CDH13: variants seen among roughly 807,000 people sequenced by gnomAD.
The protein encoded by CDH13 is cadherin-13.
In CDH13, 24 loss-of-function variants were observed where a neutral mutation model predicts 63.8. The ratio of observed to expected loss-of-function variants is 0.38; its 90% CI spans 0.27 to 0.53. The LOEUF is 0.53. Among genes scored for constraint, CDH13 ranks in the 20% least tolerant of loss-of-function variants. CDH13 has a pLI of 0.85. For synonymous variants in CDH13, 503 were observed against 355.3 expected, an observed-to-expected ratio of 1.42 and a Z score of -4.67; for missense variants, 1,049 against 903.1, an observed-to-expected ratio of 1.16 and a Z score of -2.07.
chr16:83,071,435 T>A (rs975997390), intron 3 of CDH13, among the ~76,000 whole-genome samples: 1 of 152,152 alleles, frequency 6.6e-6, no homozygotes, highest in African/African-American at 2.4e-5. Context: ...CTGACTACCA[T>A]GTAGCTCTTC....
chr16:82,705,783 C>T (rs533815651), intron 1 of CDH13, among the ~76,000 whole-genome samples: 18 of 152,284 alleles, frequency 1.2e-4, no homozygotes, highest in Admixed American at 9.8e-4. Context: ...AGAAGATAGA[C>T]TTGATTGTGC....
chr16:83,281,263 G>C (rs1597656054), intron 5 of CDH13, among the ~76,000 whole-genome samples: 1 of 152,280 alleles, frequency 6.6e-6, no homozygotes, highest in East Asian at 1.9e-4. Context: ...CTATGTTATA[G>C]GGATGGCTTC....
At chr16:83,302,670 C>T (rs1209027696) in intron 5 of CDH13, among the ~76,000 whole-genome samples, 1 of 152,058 alleles carries the variant, frequency 6.6e-6, no homozygotes, top group African/African-American at 2.4e-5. Context: ...TTAAGGAGCT[C>T]ATAGTCTAAG....
chr16:83,359,827 C>T (rs2091128326), intron 6 of CDH13, among the ~76,000 whole-genome samples: 1 of 152,136 alleles, frequency 6.6e-6, no homozygotes, highest in African/African-American at 2.4e-5. Context: ...TTCATCCATA[C>T]AAAATTTGTC....
At chr16:82,809,290 C>G (rs2151176662) in intron 1 of CDH13, among the ~76,000 whole-genome samples, 1 of 139,980 alleles carries the variant, frequency 7.1e-6, no homozygotes, top group South Asian at 2.5e-4. Context: ...GTGAGTTTGA[C>G]CACCTCTCAA....
intron 1 of CDH13, among the ~76,000 whole-genome samples, chr16:82,682,966 C>G (rs930829830): frequency 6.6e-6 from 1 of 152,164 alleles, no homozygotes; most frequent in Non-Finnish European, 1.5e-5. Context: ...CACACTATCT[C>G]CAGGAAGCAG....
intron 2 of CDH13, among the ~76,000 whole-genome samples, chr16:82,958,367 G>C (rs1162636672): frequency 6.6e-6 from 1 of 152,332 alleles, no homozygotes; most frequent in African/African-American, 2.4e-5. Context: ...AGCAGAGGCA[G>C]TAGGGGTAAA....
intron 2 of CDH13, among the ~76,000 whole-genome samples, chr16:82,937,215 A>G (rs1318949986): frequency 3.9e-5 from 6 of 152,152 alleles, no homozygotes; most frequent in African/African-American, 1.4e-4. Flanking sequence ...CAGCTATAGT[A>G]CAAGCCGTGA....
chr16:83,770,120 G>A (rs1003193169), intron 11 of CDH13, among the ~76,000 whole-genome samples: 1 of 152,144 alleles, frequency 6.6e-6, no homozygotes, highest in Non-Finnish European at 1.5e-5. Context: ...TCAAAGCAAT[G>A]CCAGGAGAAC....
intron 5 of CDH13, among the ~76,000 whole-genome samples, chr16:83,296,741 T>G (rs761641152): frequency 3.9e-5 from 6 of 152,310 alleles, no homozygotes; most frequent in Non-Finnish European, 7.4e-5. Context: ...TCACTACTAT[T>G]TGAATATTTC....
chr16:83,326,000 T>G (rs751368977), intron 5 of CDH13, among the ~76,000 whole-genome samples: 1 of 152,056 alleles, frequency 6.6e-6, no homozygotes, highest in Non-Finnish European at 1.5e-5. Context: ...ATGAACCAAA[T>G]GGATTATCTA....
intron 1 of CDH13, among the ~76,000 whole-genome samples, chr16:82,637,120 G>C (rs1908750657): frequency 6.6e-6 from 1 of 152,156 alleles, no homozygotes; most frequent in African/African-American, 2.4e-5. Flanking sequence ...AAGGAAACAG[G>C]ACCTTTGGCC....
chr16:82,872,097 G>T (rs964946404), intron 2 of CDH13, among the ~76,000 whole-genome samples: 1 of 152,192 alleles, frequency 6.6e-6, no homozygotes, highest in African/African-American at 2.4e-5. Flanking sequence ...CAGACAGTCC[G>T]TTCTAAGGGT....
At position 83,125,375 on chromosome 16, in the gene CDH13, T is replaced by A; in HGVS notation, c.367-10T>A. The A allele has an allele frequency of 1.4e-6, 2 of 1,407,760 alleles. No individual in the cohort carries two copies. Among genetic ancestry groups the A allele is most frequent in the African/African-American group, 2.8e-5 (2 of 71,048 alleles). 87.2% of individuals were successfully genotyped at this position (1,407,760 alleles called of 1,614,324 possible). On this transcript the variant is annotated splice_polypyrimidine_tract_variant and intron_variant, in intron 3 of 13. Transcript: ENST00000567109. Reference sequence around the variant, plus strand: ...GAGATTTTAATCAATCCTTTTGTTTTCCCTTTTAGGATATATTTAAATTTG... The same window carrying A: ...GAGATTTTAATCAATCCTTTTGTTTACCCTTTTAGGATATATTTAAATTTG...
At chr16:83,429,165 G>T (rs973872055) in intron 6 of CDH13, among the ~76,000 whole-genome samples, 1 of 152,176 alleles carries the variant, frequency 6.6e-6, no homozygotes, top group African/African-American at 2.4e-5. Context: ...CTTTCTATAA[G>T]ACTGGATCTG....
In CDH13 at chr16:82,804,354, G is replaced by A. The variant is rs1479948807; in HGVS notation, c.46-54008G>A. On this transcript the variant is annotated intron_variant, in intron 1 of 13. Transcript: ENST00000567109. ...ACAAAGAAATACAATGAAGCTTTTA[G>A]AGGTGATGGATATATTTACTACCTT... is the stretch of plus-strand genomic sequence containing the variant. 3.3e-5 allele frequency among the ~76,000 whole-genome samples: 5 copies of A among 151,656 alleles called. No individual in the cohort carries two copies. The South Asian group carries it at 6.2e-4, about 19-fold the overall frequency.
intron 6 of CDH13, among the ~76,000 whole-genome samples, chr16:83,384,348 A>G (rs1057099612): frequency 6.6e-6 from 1 of 152,206 alleles, no homozygotes; most frequent in Non-Finnish European, 1.5e-5. Flanking sequence ...GGCTACCAGC[A>G]GGCACTGGTC....
At chr16:83,172,352 G>T (rs556599697) in intron 4 of CDH13, among the ~76,000 whole-genome samples, 2 of 151,980 alleles carry the variant, frequency 1.3e-5, no homozygotes, top group Non-Finnish European at 2.9e-5. Flanking sequence ...TTAGCCAGGC[G>T]TAGTGGTGCA....
At chr16:83,613,436 C>G (rs1909023294) in intron 8 of CDH13, among the ~76,000 whole-genome samples, 1 of 152,180 alleles carries the variant, frequency 6.6e-6, no homozygotes, top group Non-Finnish European at 1.5e-5. Flanking sequence ...TACATATACA[C>G]ACACACATAA....
Sources: allele counts gnomAD v4.1 joint callset (sites outside exome capture counted in the v4.1 genomes callset), GRCh38; gene constraint gnomAD v4.1.1; transcripts MANE v1.5; gene names NCBI Gene and HGNC (gene_info 2026-07-23, HGNC 2026-07-21).